SNRPN: variants seen among roughly 807,000 people sequenced by gnomAD.
SNRPN encodes the protein small nuclear ribonucleoprotein-associated protein N.
SNRPN carries 7 observed loss-of-function variants against 25.2 expected under a neutral mutation model. The ratio of observed to expected loss-of-function variants is 0.28; its 90% CI spans 0.16 to 0.52. The LOEUF (loss-of-function observed/expected upper bound fraction) is 0.52, where lower values mean the gene tolerates loss of function less well. Ranked by LOEUF, SNRPN falls within the 20% of genes least tolerant of loss-of-function variation. The probability of loss-of-function intolerance (pLI) is 0.96; values close to 1 mark genes in which losing one functional copy is unlikely to be tolerated. For synonymous variants in SNRPN, 124 were observed against 110.6 expected, an observed-to-expected ratio of 1.12 and a Z score of -0.76; for missense variants, 196 against 322.5, an observed-to-expected ratio of 0.61 and a Z score of 3.00.
intron 3 of SNRPN, among the ~76,000 whole-genome samples, chr15:24,970,546 T>C (rs2076272403): frequency 6.6e-6 from 1 of 152,178 alleles, no homozygotes; most frequent in African/African-American, 2.4e-5. Context: ...GCCACTGCGC[T>C]TCAGCCTGCG....
chr15:24,828,044 T>C (rs914198547), intron 1 of SNRPN, among the ~76,000 whole-genome samples: 1 of 152,066 alleles, frequency 6.6e-6, no homozygotes, highest in African/African-American at 2.4e-5. Context: ...CAGCATATTT[T>C]ATATTTATGG....
chr15:24,825,058 C>A (rs1369470562), intron 1 of SNRPN, among the ~76,000 whole-genome samples: 1 of 151,964 alleles, frequency 6.6e-6, no homozygotes, highest in African/African-American at 2.4e-5. Flanking sequence ...ATTTAAGATA[C>A]ATGAGATGTG....
At chr15:24,873,840 C>G (rs1016730728) in intron 1 of SNRPN, among the ~76,000 whole-genome samples, 4 of 152,016 alleles carry the variant, frequency 2.6e-5, no homozygotes, top group Admixed American at 6.6e-5. Flanking sequence ...ATCTGATGAC[C>G]TGGAGTGAGA....
At chr15:24,918,763 CAT>C (rs72520741) in intron 2 of SNRPN, among the ~76,000 whole-genome samples, 1,244 of 31,358 alleles carry the variant, frequency 0.04, 299 homozygotes, top group South Asian at 0.12. Context: ...TATATGTGTG[CAT>C]ATATATATAA....
Position 24,972,809 on chromosome 15 carries a change from G to A in SNRPN, c.-143-1502G>A, listed in dbSNP as rs530409512. Among the ~76,000 whole-genome samples the A allele has an allele frequency of 8.6e-5, 13 of 152,008 alleles. No homozygotes were observed. In the South Asian group the frequency reaches 1.5e-3, roughly 17 times the overall value. ...GGTCATGAGCTGCATTAACAATTCC[G>A]TTCAACAACAGACTGCATATGTCAG... is the stretch of plus-strand genomic sequence containing the variant. On this transcript the variant is annotated intron_variant, in intron 3 of 9. Transcript: ENST00000390687.
intron 7 of SNRPN, among the ~76,000 whole-genome samples, chr15:24,977,547 A>G (rs1236672754): frequency 1.3e-5 from 2 of 152,062 alleles, no homozygotes; most frequent in African/African-American, 4.8e-5. Context: ...GGGAGACAGG[A>G]GAATCGCTTG....
intron 1 of SNRPN, among the ~76,000 whole-genome samples, chr15:24,884,296 G>C (rs12594958): frequency 0.1 from 15,393 of 152,126 alleles, 974 homozygotes; most frequent in East Asian, 0.36. Flanking sequence ...ATGGATCCAC[G>C]GCACTTCAGC....
chr15:24,904,609 C>A (rs537725970), intron 2 of SNRPN, among the ~76,000 whole-genome samples: 1 of 152,052 alleles, frequency 6.6e-6, no homozygotes, highest in East Asian at 1.9e-4. Flanking sequence ...GAGCCAAGAT[C>A]GGGCCACTGC....
intron 1 of SNRPN, among the ~76,000 whole-genome samples, chr15:24,865,647 CAGTT>C (rs767777092): frequency 2.0e-5 from 3 of 152,166 alleles, no homozygotes; most frequent in Non-Finnish European, 2.9e-5. Flanking sequence ...AACCTCCTGT[CAGTT>C]AGAACATAGT....
rs749134956 is a variant in SNRPN, at chr15:24,955,048, G to T, written c.-405G>T. On this transcript the variant is annotated 5_prime_UTR_variant, in exon 1 of 10. Coordinates refer to ENST00000390687, the MANE Select transcript of SNRPN (RefSeq NM_003097.6). ...CTGTCTGAGGAGCGGTCAGTGACGC[G>T]ATGGAGCGGGCAAGGTCAGCTGTGC... The T allele has an allele frequency of 1.7e-5, 28 of 1,613,254 alleles. No individual in the cohort carries two copies.
chr15:24,950,200 G>A (rs970634776), upstream of SNRPN, among the ~76,000 whole-genome samples: 17 of 149,312 alleles, frequency 1.1e-4, 1 homozygote, highest in Admixed American at 5.3e-4. Context: ...TTTTTGAGAC[G>A]GAGTCTCACT....
chr15:24,840,962 C>A (rs547295206), intron 2 of SNRPN, among the ~76,000 whole-genome samples: 90 of 152,258 alleles, frequency 5.9e-4, no homozygotes, highest in Admixed American at 1.4e-3. Context: ...CTGCCTCAGC[C>A]TCCTGAGTAG....
intron 1 of SNRPN, among the ~76,000 whole-genome samples, chr15:24,877,013 G>A (rs1235417008): frequency 1.3e-5 from 2 of 152,090 alleles, no homozygotes; most frequent in Non-Finnish European, 2.9e-5. Flanking sequence ...TGCTCACTTA[G>A]GAACACAGCT....
At chr15:24,860,570 A>C (rs1183953760) in intron 1 of SNRPN, among the ~76,000 whole-genome samples, 1 of 152,198 alleles carries the variant, frequency 6.6e-6, no homozygotes, top group East Asian at 1.9e-4. Context: ...TCGAAAATGC[A>C]TTGAATATAC....
At chr15:24,892,407 G>T (rs2057748559) in intron 2 of SNRPN, among the ~76,000 whole-genome samples, 3 of 152,088 alleles carry the variant, frequency 2.0e-5, no homozygotes. Flanking sequence ...CAGAAAGAGG[G>T]GGAAGGAAGA....
chr15:24,824,196 G>A (rs1003263640), intron 1 of SNRPN, among the ~76,000 whole-genome samples: 8 of 152,018 alleles, frequency 5.3e-5, no homozygotes, highest in African/African-American at 1.9e-4. Flanking sequence ...ACTTACAATC[G>A]CAGGCTTAAA....
At chr15:24,893,395 T>C (rs1041250010) in intron 2 of SNRPN, among the ~76,000 whole-genome samples, 1 of 152,028 alleles carries the variant, frequency 6.6e-6, no homozygotes, top group Non-Finnish European at 1.5e-5. Flanking sequence ...GGCGGTAGGA[T>C]TGGTTGAGCC....
intron 2 of SNRPN, among the ~76,000 whole-genome samples, 163 bp from the exon 3 acceptor site, chr15:24,967,769 T>C (rs1426462947): frequency 2.1e-5 from 3 of 143,078 alleles, no homozygotes; most frequent in Non-Finnish European, 3.0e-5. Flanking sequence ...AATTGCTTCA[T>C]TGCACTCCAG....
rs781581137 is a variant in SNRPN at position 24,954,999 on chromosome 15, G to T, written c.-454G>T. ...CAGCGAGTCTGGCGCAGAGTGGAGC[G>T]GCCGCCGGAGATGCCTGACGCATCT... On this transcript the variant is annotated 5_prime_UTR_variant, in exon 1 of 10. Transcript: ENST00000390687. 1 of 1,610,668 alleles carries T rather than the reference G, an allele frequency of 6.2e-7. No homozygotes were observed. The highest frequency in any genetic ancestry group is 8.5e-7 in the Non-Finnish European group (1 of 1,179,460).
Sources: gnomAD v4.1 joint callset for allele counts (sites outside exome capture counted in the v4.1 genomes callset) on GRCh38, gnomAD v4.1.1 for gene constraint, MANE v1.5 for transcripts, NCBI Gene and HGNC (gene_info 2026-07-23, HGNC 2026-07-21) for gene names.